COL4A6: variants seen among roughly 807,000 people sequenced by gnomAD.
The protein encoded by COL4A6 is collagen alpha-6(IV) chain.
A neutral mutation model predicts 126.7 loss-of-function variants in COL4A6; 59 were observed. That is an observed-to-expected ratio of 0.47 (90% CI 0.38 to 0.58). The LOEUF is 0.58. Among genes scored for constraint, COL4A6 ranks in the 20% least tolerant of loss-of-function variants. The probability of loss-of-function intolerance (pLI) is 0.00; values close to 1 mark genes in which losing one functional copy is unlikely to be tolerated. For missense variants in COL4A6, 1,285 were observed against 1,337.3 expected (o/e 0.96, Z 0.61); for synonymous variants, 547 against 496.6 (o/e 1.10, Z -1.35).
chrX:108,223,624 C>A (rs1314863467), intron 3 of COL4A6, among the ~76,000 whole-genome samples: 2 of 111,298 alleles, frequency 1.8e-5, no homozygotes, highest in African/African-American at 3.3e-5. Context: ...GCAGAAAAGT[C>A]GAAGTCGTGA....
intron 3 of COL4A6, among the ~76,000 whole-genome samples, chrX:108,294,812 T>C (rs1374229620): frequency 8.9e-6 from 1 of 111,745 alleles, no homozygotes; most frequent in Non-Finnish European, 1.9e-5. Context: ...GGTAATGAAA[T>C]GTTCTGGAAT....
chrX:108,170,476 C>T, intron 35 of COL4A6, 133 bp downstream of exon 35: 1 of 563,117 alleles, frequency 1.8e-6, no homozygotes, highest in Non-Finnish European at 3.0e-6. Context: ...ATCTTCCTTT[C>T]CCATGATTCC....
chrX:108,285,200 C>A (rs1286619704), intron 3 of COL4A6, among the ~76,000 whole-genome samples: 1 of 111,435 alleles, frequency 9.0e-6, no homozygotes, highest in African/African-American at 3.3e-5. Context: ...CCTCTGTGGA[C>A]AGGTTCACAG....
chrX:108,265,748 G>A, intron 3 of COL4A6, among the ~76,000 whole-genome samples: 1 of 110,675 alleles, frequency 9.0e-6, no homozygotes, highest in Non-Finnish European at 1.9e-5. Flanking sequence ...TGGCTGCTGA[G>A]GATAGAGAGA....
At chrX:108,383,715 G>C in intron 2 of COL4A6, 1 of 506,493 alleles carries the variant, frequency 2.0e-6, no homozygotes, top group East Asian at 3.5e-5. Context: ...TTACTAGTTG[G>C]AGATATAAGG....
At chrX:108,383,814 G>A (rs1022279529) in intron 2 of COL4A6, 1 of 501,806 alleles carries the variant, frequency 2.0e-6, no homozygotes. Flanking sequence ...AACAATATGA[G>A]ATTTTCAAAG....
chrX:108,212,939 A>G (rs992668867), intron 6 of COL4A6, among the ~76,000 whole-genome samples: 7 of 111,744 alleles, frequency 6.3e-5, no homozygotes, highest in Non-Finnish European at 1.1e-4. Flanking sequence ...CTGGATTTTC[A>G]TGGAAATGTT....
Position 108,196,510 on chromosome X carries a change from C to T in COL4A6, c.903+1G>A. 1.7e-6 allele frequency: 2 copies of T among 1,207,378 alleles called. No individual in the cohort carries two copies. The highest frequency in any genetic ancestry group is 2.2e-6 in the Non-Finnish European group (2 of 891,847). On this transcript the variant is annotated splice_donor_variant, in intron 14 of 44. Transcript: ENST00000334504. LOFTEE classifies it high-confidence loss of function. ...AGGCAAGTAACATTCGAGGTTCATA[C>T]CCTAGGTCCTGGCAAACCAGGGATT...
Position 108,414,619 on chromosome X carries a change from C to CAAA in COL4A6, c.63+23320_63+23322dup, listed in dbSNP as rs35601117. On this transcript the variant is annotated intron_variant, in intron 2 of 44. Transcript: ENST00000334504. ...ACATAGCGAGACCCTGCCTCTCTCTCAAAAAAAAAAAAAAAAAGAAGAAGA... is the reference window on the plus strand; with the variant it reads ...ACATAGCGAGACCCTGCCTCTCTCTCAAAAAAAAAAAAAAAAAAAAGAAGAAGA... 5.2e-3 allele frequency among the ~76,000 whole-genome samples: 406 copies of CAAA among 77,415 alleles called. 6 individuals are homozygous for CAAA. The highest frequency in any genetic ancestry group is 0.019 in the African/African-American group (390 of 20,709). The allele number at this position is 77,415 out of a possible 115,157, so 67.2% of individuals were successfully genotyped here. A position where few individuals can be genotyped will look rare whatever the true frequency, so the allele number is the denominator to read the frequency against.
At chrX:108,272,657 A>ACT (rs1297982593) in intron 3 of COL4A6, among the ~76,000 whole-genome samples, 1 of 111,213 alleles carries the variant, frequency 9.0e-6, no homozygotes, top group African/African-American at 3.3e-5. Context: ...CAGTCTTCTT[A>ACT]CTGTTTGGTT....
intron 35 of COL4A6, 62 bp from the exon 36 acceptor site, chrX:108,170,078 G>A (rs2034256076): frequency 1.2e-5 from 12 of 967,850 alleles, no homozygotes; most frequent in Non-Finnish European, 1.7e-5. Flanking sequence ...ATCAGCAAGA[G>A]GTAGCTACCT....
chrX:108,439,442 T>C (rs762578414), upstream of COL4A6: 11 of 590,408 alleles, frequency 1.9e-5, no homozygotes, highest in Non-Finnish European at 2.5e-5. Context: ...TGTGAGCAGC[T>C]GGAAGGTAAA....
At chrX:108,260,192 A>G (rs951585135) in intron 3 of COL4A6, among the ~76,000 whole-genome samples, 7 of 111,170 alleles carry the variant, frequency 6.3e-5, no homozygotes, top group African/African-American at 2.3e-4. Context: ...GTCCAGAAAC[A>G]GCATCTATCT....
intron 13 of COL4A6, among the ~76,000 whole-genome samples, chrX:108,197,872 A>G (rs749916325): frequency 9.1e-5 from 10 of 109,325 alleles, no homozygotes; most frequent in Non-Finnish European, 1.7e-4. Flanking sequence ...TGCATTTAGT[A>G]TAACTGTGCA....
intron 3 of COL4A6, among the ~76,000 whole-genome samples, chrX:108,256,171 A>T: frequency 8.9e-6 from 1 of 112,510 alleles, no homozygotes. Context: ...CATTAGCAAA[A>T]CACTGGTTTT....
intron 3 of COL4A6, among the ~76,000 whole-genome samples, chrX:108,277,439 G>T (rs1204942857): frequency 3.6e-5 from 4 of 112,516 alleles, no homozygotes; most frequent in Admixed American, 2.8e-4. Flanking sequence ...GCTGGGGGAT[G>T]GGTGCCCACC....
intron 44 of COL4A6, among the ~76,000 whole-genome samples, 170 bp downstream of exon 44, chrX:108,159,292 C>CT (rs2033840703): frequency 8.9e-6 from 1 of 112,687 alleles, no homozygotes; most frequent in African/African-American, 3.2e-5. Context: ...ACACCCATAA[C>CT]TACCTGCCAT....
chrX:108,403,693 C>G (rs995424508), intron 2 of COL4A6, among the ~76,000 whole-genome samples: 3 of 111,074 alleles, frequency 2.7e-5, no homozygotes, highest in Non-Finnish European at 5.7e-5. Flanking sequence ...TGGAATATAT[C>G]CCTAGTTTTT....
chrX:108,173,384 C>T (rs2034376373), intron 31 of COL4A6, among the ~76,000 whole-genome samples: 2 of 111,611 alleles, frequency 1.8e-5, no homozygotes, highest in Admixed American at 1.9e-4. Context: ...GAATGCATTC[C>T]CACTTTGTTT....
Sources: allele counts gnomAD v4.1 joint callset (sites outside exome capture counted in the v4.1 genomes callset), GRCh38; gene constraint gnomAD v4.1.1; transcripts MANE v1.5; gene names NCBI Gene and HGNC (gene_info 2026-07-23, HGNC 2026-07-21).